LRRC49: variants seen among roughly 807,000 people sequenced by gnomAD.
The protein encoded by LRRC49 is leucine-rich repeat-containing protein 49.
Under a neutral mutation model 83.3 loss-of-function variants are expected in LRRC49, and 50 were observed. The ratio of observed to expected loss-of-function variants is 0.60; its 90% CI spans 0.48 to 0.76. The LOEUF is 0.76. LRRC49 is among the 30% of genes least tolerant of loss of function. LRRC49 has a pLI of 0.00. For synonymous variants in LRRC49, 286 were observed against 283.3 expected, an observed-to-expected ratio of 1.01 and a Z score of -0.10; for missense variants, 704 against 809.1, an observed-to-expected ratio of 0.87 and a Z score of 1.58.
At chr15:70,858,140 T>C (rs1227925115) in intron 1 of LRRC49, among the ~76,000 whole-genome samples, 1 of 152,218 alleles carries the variant, frequency 6.6e-6, no homozygotes, top group Non-Finnish European at 1.5e-5. Flanking sequence ...TGTAAATTAA[T>C]AAATCAGTTT....
chr15:70,899,788 A>G (rs1435243896), intron 3 of LRRC49, among the ~76,000 whole-genome samples: 2 of 152,102 alleles, frequency 1.3e-5, no homozygotes, highest in Non-Finnish European at 2.9e-5. Flanking sequence ...TCTTTTTGTT[A>G]GTTTCAACAG....
chr15:70,953,581 C>T (rs985782725), intron 8 of LRRC49, among the ~76,000 whole-genome samples: 4 of 152,156 alleles, frequency 2.6e-5, no homozygotes, highest in African/African-American at 9.6e-5. Context: ...CTTGGAGAAT[C>T]TGATGACTGT....
chr15:70,895,733 A>T (rs1479320490), intron 2 of LRRC49, 116 bp from the exon 3 acceptor site: 1 of 563,030 alleles, frequency 1.8e-6, no homozygotes, highest in Non-Finnish European at 3.0e-6. Flanking sequence ...TGATGTTTTC[A>T]AGGTTCATCC....
chr15:71,044,826 A>T (rs1235684315), intron 15 of LRRC49, among the ~76,000 whole-genome samples: 1 of 152,044 alleles, frequency 6.6e-6, no homozygotes. Context: ...GCATTGGGAA[A>T]CAGAAGAAAA....
chr15:70,902,759 A>G (rs1471633554), intron 4 of LRRC49, among the ~76,000 whole-genome samples: 1 of 152,212 alleles, frequency 6.6e-6, no homozygotes, highest in Non-Finnish European at 1.5e-5. Context: ...GCAGCCTATC[A>G]GCACCAAGAA....
chr15:71,023,288 T>C (rs775783497), intron 14 of LRRC49, among the ~76,000 whole-genome samples: 3 of 151,746 alleles, frequency 2.0e-5, no homozygotes, highest in Non-Finnish European at 2.9e-5. Context: ...AGAAAAGAAA[T>C]GATGTTCAAA....
chr15:70,979,883 T>C (rs980593724), intron 9 of LRRC49, among the ~76,000 whole-genome samples: 5 of 152,070 alleles, frequency 3.3e-5, no homozygotes, highest in Non-Finnish European at 5.9e-5. Context: ...TCACGTCACC[T>C]CCAGAGTTGG....
At chr15:70,999,850 A>G (rs1447805313) in intron 11 of LRRC49, among the ~76,000 whole-genome samples, 1 of 152,088 alleles carries the variant, frequency 6.6e-6, no homozygotes, top group Admixed American at 6.5e-5. Context: ...TTTTGCCTTT[A>G]ACTACTTTCA....
chr15:70,927,296 A>G (rs922386933), intron 7 of LRRC49, among the ~76,000 whole-genome samples: 1 of 152,032 alleles, frequency 6.6e-6, no homozygotes, highest in Admixed American at 6.6e-5. Context: ...GCATCTTTTC[A>G]TCTTTTATGA....
chr15:70,901,310 C>G (rs976894939), intron 4 of LRRC49, among the ~76,000 whole-genome samples: 4 of 151,998 alleles, frequency 2.6e-5, no homozygotes, highest in African/African-American at 4.8e-5. Context: ...AGAAAAAAAC[C>G]ACAGTATAAT....
intron 11 of LRRC49, among the ~76,000 whole-genome samples, chr15:71,003,750 C>T (rs974026217): frequency 2.0e-5 from 3 of 152,138 alleles, no homozygotes; most frequent in Admixed American, 2.0e-4. Flanking sequence ...AACTGAAACT[C>T]AAAGAATTGA....
At chr15:70,984,316 A>T in intron 11 of LRRC49, 59 bp downstream of exon 11, 1 of 1,391,640 alleles carries the variant, frequency 7.2e-7, no homozygotes, top group Non-Finnish European at 9.8e-7. Context: ...TTGGAGTGGG[A>T]ATTAGAAACC....
rs1299832709 is a variant in LRRC49 at position 70,914,855 on chromosome 15, T to G, written c.567+3257T>G. Among the ~76,000 whole-genome samples, 3 of 152,170 alleles carry G rather than the reference T, an allele frequency of 2.0e-5. No homozygotes were observed. The East Asian group carries it at 5.8e-4, about 29-fold the overall frequency. On this transcript the variant is annotated intron_variant, in intron 6 of 15. Transcript: ENST00000260382. ...AAAGCAAACACTTGCCTTTTCTGTA[T>G]TGGTAGGTAGGAAGGTTATCTTTAT...
chr15:70,994,466 A>C (rs927873197), intron 11 of LRRC49, among the ~76,000 whole-genome samples: 1 of 151,384 alleles, frequency 6.6e-6, no homozygotes, highest in East Asian at 1.9e-4. Flanking sequence ...TATGAGCTTT[A>C]TTTATTTATT....
At chr15:70,920,237 A>G (rs1206062975) in intron 7 of LRRC49, among the ~76,000 whole-genome samples, 2 of 152,234 alleles carry the variant, frequency 1.3e-5, no homozygotes, top group Non-Finnish European at 2.9e-5. Flanking sequence ...GCTGGGGGAC[A>G]GAGGATACCT....
chr15:70,883,661 T>G (rs2033326649), intron 2 of LRRC49, among the ~76,000 whole-genome samples: 1 of 151,750 alleles, frequency 6.6e-6, no homozygotes, highest in African/African-American at 2.4e-5. Context: ...TTTTTTTTTT[T>G]TTTTGAGACA....
chr15:70,951,913 G>T (rs899155411), intron 8 of LRRC49, among the ~76,000 whole-genome samples: 1 of 152,030 alleles, frequency 6.6e-6, no homozygotes, highest in Middle Eastern at 3.4e-3. Flanking sequence ...TGTTATATGG[G>T]TCTTATTATT....
chr15:71,001,908 G>A (rs1056891554), intron 11 of LRRC49, among the ~76,000 whole-genome samples: 8 of 152,072 alleles, frequency 5.3e-5, no homozygotes, highest in Non-Finnish European at 1.2e-4. Context: ...AGCCAGGATG[G>A]TCTCAATCTC....
chr15:70,869,649 T>C (rs1261460297), intron 1 of LRRC49, among the ~76,000 whole-genome samples: 1 of 152,188 alleles, frequency 6.6e-6, no homozygotes, highest in African/African-American at 2.4e-5. Flanking sequence ...GCCCAGGAGC[T>C]GACCAGCACA....
Sources: allele counts gnomAD v4.1 joint callset (sites outside exome capture counted in the v4.1 genomes callset), GRCh38; gene constraint gnomAD v4.1.1; transcripts MANE v1.5; gene names NCBI Gene and HGNC (gene_info 2026-07-23, HGNC 2026-07-21).